PARP10: variants seen among roughly 807,000 people sequenced by gnomAD.
The protein encoded by PARP10 is poly(ADP-ribose) polymerase family member 10, also known as protein mono-ADP-ribosyltransferase PARP10.
Under a neutral mutation model 82.4 loss-of-function variants are expected in PARP10, and 56 were observed. The observed-to-expected ratio is 0.68, with a 90% confidence interval of 0.55 to 0.85. The LOEUF (loss-of-function observed/expected upper bound fraction) is 0.85. PARP10 is among the 40% of genes least tolerant of loss of function. PARP10 has a pLI of 0.00. For synonymous variants in PARP10, 576 were observed against 601.1 expected (o/e 0.96, Z 0.61); for missense variants, 1,227 against 1,379.4 (o/e 0.89, Z 1.75).
Position 143,984,962 on chromosome 8 carries a change from T to C in PARP10, c.1040A>G (p.Glu347Gly). Residue 347 changes from glutamate (E) to glycine (G), a missense_variant, in exon 5 of 11, where the codon GAG (glutamate) becomes GGG (glycine). By Grantham distance (98) the Glu-to-Gly change is moderately conservative. Coordinates refer to ENST00000313028, the MANE Select transcript of PARP10 (RefSeq NM_032789.5). The part of the protein sequence containing the change: ...TGPMGSLGQA[E>G]QVSSMPMGSL... Reference sequence around the variant, plus strand: ...CCCCATGGGCATCGAGCTGACTTGCTCTGCCTGTCCCAGAGACCCCATGGG... The same window carrying C: ...CCCCATGGGCATCGAGCTGACTTGCCCTGCCTGTCCCAGAGACCCCATGGG... 1 of 1,613,882 alleles carries C rather than the reference T, an allele frequency of 6.2e-7. No homozygotes were observed. Among genetic ancestry groups the C allele is most frequent in the Non-Finnish European group, 8.5e-7 (1 of 1,179,982 alleles).
rs782728319 is a variant in PARP10, at chr8:143,985,200, G to A, written c.802C>T (p.Gln268Ter). 22 of 1,614,006 alleles carry A rather than the reference G, an allele frequency of 1.4e-5. No homozygotes were observed. The highest frequency in any genetic ancestry group is 1.6e-5 in the Non-Finnish European group (19 of 1,180,038). Residue 268 changes from glutamine (Q) to a stop codon, truncating the protein, a stop_gained, in exon 5 of 11, where the codon CAG becomes TAG. Coordinates refer to ENST00000313028, the MANE Select transcript of PARP10 (RefSeq NM_032789.5). LOFTEE classifies it high-confidence loss of function. ...GCATGCTTGGTAGCCCTAGGCCCCT[G>A]GGTGGACGGGTGGTCCCCTCCACTG... is the stretch of plus-strand genomic sequence containing the variant. ...NTSGGDHPST[Q>*]GPRATKHALL...
At chr8:143,998,829 A>G (rs1554751457) in intron 1 of PARP10, among the ~76,000 whole-genome samples, 1 of 152,080 alleles carries the variant, frequency 6.6e-6, no homozygotes, top group Non-Finnish European at 1.5e-5. Context: ...GTGTGCCTGT[A>G]GTCCCAGCTA....
Position 143,985,713 on chromosome 8 carries a change from C to A in PARP10, c.436+8G>T. On this transcript the variant is annotated splice_region_variant and intron_variant, in intron 3 of 10. Transcript: ENST00000313028. ...AGCCAGCACCTCAACCCCAACCCTG[C>A]CTCTCACCTGCCTCAGAAAGGGGCT... 1.2e-6 allele frequency: 2 copies of A among 1,602,930 alleles called. No homozygotes were observed. Among genetic ancestry groups the A allele is most frequent in the South Asian group, 1.1e-5 (1 of 90,224 alleles).
chr8:143,982,168 G>T lies in PARP10; in HGVS notation c.2556+764C>A, dbSNP rs150460012. Among the ~76,000 whole-genome samples, 159 of 152,270 alleles carry T rather than the reference G, an allele frequency of 1.0e-3. 2 individuals are homozygous for T. The East Asian group carries it at 0.023, about 22-fold the overall frequency. On this transcript the variant is annotated intron_variant, in intron 9 of 10. Transcript: ENST00000313028. ...CCACGCACAACTTTGGGCATCAAGA[G>T]TTGAGAGTGCCCCGTGCAAGGCCGG...
chr8:143,991,374 C>T (rs782184813), upstream of PARP10: 28 of 1,211,114 alleles, frequency 2.3e-5, no homozygotes, highest in East Asian at 2.5e-5. Context: ...CCAGCCCTCC[C>T]CCTACGGTCA....
chr8:143,986,447 A>G lies in PARP10; in HGVS notation c.-88T>C. 6.2e-7 allele frequency: 1 copy of G among 1,607,286 alleles called. No individual in the cohort carries two copies. Among genetic ancestry groups the G allele is most frequent in the East Asian group, 2.2e-5 (1 of 44,792 alleles). On this transcript the variant is annotated 5_prime_UTR_variant, in exon 1 of 11. Coordinates refer to ENST00000313028, the MANE Select transcript of PARP10 (RefSeq NM_032789.5). The stretch of plus-strand genomic sequence containing the variant: ...CAGCAAGCCTAACCCTGCTGGGAGC[A>G]GGAAAACAAAAGTGAAACTGAAAGA...
intron 1 of PARP10, among the ~76,000 whole-genome samples, chr8:144,001,589 C>T (rs1834203117): frequency 6.6e-6 from 1 of 152,014 alleles, no homozygotes; most frequent in African/African-American, 2.4e-5. Context: ...TCTTGTAATC[C>T]CAGCTACTCG....
intron 1 of PARP10, among the ~76,000 whole-genome samples, chr8:143,997,750 T>A (rs1235462694): frequency 1.3e-5 from 2 of 151,360 alleles, no homozygotes; most frequent in African/African-American, 4.9e-5. Context: ...AGCAACCAAC[T>A]CCCACTCTTA....
rs1554746447 is a variant in PARP10, at chr8:143,977,506, G to A, written c.3056C>T (p.Pro1019Leu). 6.4e-7 allele frequency: 1 copy of A among 1,554,020 alleles called. No homozygotes were observed. Among genetic ancestry groups the A allele is most frequent in the South Asian group, 1.2e-5 (1 of 84,374 alleles). Reference protein sequence around the residue: ...RASPDDPSGLPGRSPDT With the variant: ...RASPDDPSGLLGRSPDT ...CGGTTAAGTGTCTGGGGAGCGGCCC[G>A]GGAGCCCAGAGGGGTCGTCGGGGGA... Residue 1019 changes from proline to leucine, a missense_variant, in exon 11 of 11, where the codon CCG becomes CTG. By Grantham distance (98) the Pro-to-Leu change is moderately conservative. Transcript: ENST00000313028.
At chr8:143,993,628 G>C (rs781990608), upstream of PARP10, among the ~76,000 whole-genome samples, 12 of 152,192 alleles carry the variant, frequency 7.9e-5, no homozygotes, top group Non-Finnish European at 1.6e-4. Flanking sequence ...AGTTAAGCCT[G>C]TGCTGGGGTA....
rs1465726605 is a variant in PARP10 at position 144,009,269 on chromosome 8, A to G, written c.-80+3261T>C. On this transcript the variant is annotated intron_variant, in intron 1 of 3. Transcript: ENST00000530478. Reference sequence around the variant, plus strand: ...CCAAACAGCCCTTGATACATCACCAATGACTTCCAAGTCCCTAAAGCTGAC... The same window carrying G: ...CCAAACAGCCCTTGATACATCACCAGTGACTTCCAAGTCCCTAAAGCTGAC... 2.0e-5 allele frequency among the ~76,000 whole-genome samples: 3 copies of G among 152,108 alleles called. No individual in the cohort carries two copies. The East Asian group carries it at 5.8e-4, about 29-fold the overall frequency.
intron 1 of PARP10, among the ~76,000 whole-genome samples, chr8:143,998,948 TAAAA>T (rs72107509): frequency 0.27 from 39,854 of 146,250 alleles, 6,542 homozygotes; most frequent in Non-Finnish European, 0.37. Flanking sequence ...AGACCCTGTT[TAAAA>T]AAAAAAAAAA....
chr8:143,992,188 C>CGGCAGGGGT (rs1224800336), upstream of PARP10: 6 of 1,600,176 alleles, frequency 3.7e-6, no homozygotes, highest in South Asian at 4.5e-5. Flanking sequence ...AGGCAGGGGC[C>CGGCAGGGGT]GGCAGGGGTG....
chr8:143,986,605 C>A (rs1460902509), upstream of PARP10: 1 of 624,812 alleles, frequency 1.6e-6, no homozygotes, highest in Non-Finnish European at 2.8e-6. Context: ...CCCTCAGGAC[C>A]CTCCAGCCAA....
chr8:143,994,833 C>T (rs1834152188), upstream of PARP10, among the ~76,000 whole-genome samples: 2 of 152,212 alleles, frequency 1.3e-5, no homozygotes, highest in Admixed American at 1.3e-4. Flanking sequence ...GGGTGCCCGC[C>T]TGTGCTCCAG....
At chr8:143,978,638 A>AG (rs1833775397) in intron 9 of PARP10, among the ~76,000 whole-genome samples, 1 of 152,198 alleles carries the variant, frequency 6.6e-6, no homozygotes. Context: ...CTAAATCTAG[A>AG]GGGGGTGAGC....
rs1833943682 is a variant in PARP10, at chr8:143,984,722, G to A, written c.1280C>T (p.Ala427Val). The change falls in exon 5 of 11, where the codon GCA becomes GTA. Residue 427 changes from alanine to valine, a missense_variant. Ala to Val is a moderately conservative substitution (Grantham distance 64, BLOSUM62 0). Coordinates refer to ENST00000313028, the MANE Select transcript of PARP10 (RefSeq NM_032789.5). Reference sequence around the variant, plus strand: ...CACACATCCTGGGCTCACAGGCCCTGCCTTCTCCAGAGACCCCATGGTGAT... The same window carrying A: ...CACACATCCTGGGCTCACAGGCCCTACCTTCTCCAGAGACCCCATGGTGAT... ...MEITMGSLEK[A>V]GPVSPGCVKL... is the part of the protein sequence containing the mutation. 6.2e-7 allele frequency: 1 copy of A among 1,613,836 alleles called. No individual in the cohort carries two copies. Among genetic ancestry groups the A allele is most frequent in the Non-Finnish European group, 8.5e-7 (1 of 1,179,942 alleles).
intron 9 of PARP10, among the ~76,000 whole-genome samples, chr8:143,980,259 G>T (rs1323938241): frequency 7.3e-6 from 1 of 137,240 alleles, no homozygotes; most frequent in Non-Finnish European, 1.5e-5. Context: ...GGCAGAGCTT[G>T]CAGTGAGCTG....
At chr8:143,979,119 C>G (rs1031129548) in intron 9 of PARP10, among the ~76,000 whole-genome samples, 1 of 152,082 alleles carries the variant, frequency 6.6e-6, no homozygotes, top group Non-Finnish European at 1.5e-5. Flanking sequence ...ACTACAGGCA[C>G]CTGCCACCGC....
Sources: gnomAD v4.1 joint callset for allele counts (sites outside exome capture counted in the v4.1 genomes callset) on GRCh38, gnomAD v4.1.1 for gene constraint, MANE v1.5 for transcripts, NCBI Gene and HGNC (gene_info 2026-07-23, HGNC 2026-07-21) for gene names.